ADAM22: variants seen among roughly 807,000 people sequenced by gnomAD.
The protein encoded by ADAM22 is disintegrin and metalloproteinase domain-containing protein 22.
Under a neutral mutation model 144.6 loss-of-function variants are expected in ADAM22, and 65 were observed. The ratio of observed to expected loss-of-function variants is 0.45; its 90% CI spans 0.37 to 0.55. The LOEUF is 0.55. Among genes scored for constraint, ADAM22 ranks in the 20% least tolerant of loss-of-function variants. The pLI is 0.00. For synonymous variants in ADAM22, 391 were observed against 412.6 expected (o/e 0.95, Z 0.63); for missense variants, 974 against 1,184.9 (o/e 0.82, Z 2.61).
intron 14 of ADAM22, among the ~76,000 whole-genome samples, chr7:88,138,096 G>T (rs755691246): frequency 6.6e-6 from 1 of 152,090 alleles, no homozygotes; most frequent in Admixed American, 6.6e-5. Context: ...TTGAGGCTGC[G>T]GTGAGCCATG....
intron 3 of ADAM22, among the ~76,000 whole-genome samples, chr7:87,999,667 T>G (rs1792068708): frequency 6.6e-6 from 1 of 152,242 alleles, no homozygotes. Context: ...CTTACGATGC[T>G]TATTCTGTTA....
At chr7:87,998,695 C>T (rs533486660) in intron 3 of ADAM22, among the ~76,000 whole-genome samples, 1 of 152,224 alleles carries the variant, frequency 6.6e-6, no homozygotes, top group East Asian at 1.9e-4. Context: ...TGCCGAGAGT[C>T]TCCCTATTTT....
chr7:88,053,595 A>G (rs371490196), intron 3 of ADAM22, among the ~76,000 whole-genome samples: 570 of 29,256 alleles, frequency 0.019, 3 homozygotes, highest in African/African-American at 0.055. Context: ...AAGGAAGGAA[A>G]GAAAGAAAGA....
chr7:87,992,282 T>C (rs1310482558), intron 3 of ADAM22, among the ~76,000 whole-genome samples: 1 of 152,194 alleles, frequency 6.6e-6, no homozygotes. Flanking sequence ...CAGAGAATTA[T>C]ATGAAGTTCA....
chr7:87,944,716 T>C (rs1374060723), intron 2 of ADAM22, among the ~76,000 whole-genome samples: 1 of 152,078 alleles, frequency 6.6e-6, no homozygotes, highest in East Asian at 1.9e-4. Flanking sequence ...AGTATCCTTC[T>C]GGCTCAACTA....
At chr7:87,955,482 C>T (rs975869909) in intron 2 of ADAM22, among the ~76,000 whole-genome samples, 25 of 152,144 alleles carry the variant, frequency 1.6e-4, no homozygotes, top group African/African-American at 5.8e-4. Flanking sequence ...GCTGTCTGAT[C>T]GTTCCTCTGG....
intron 2 of ADAM22, among the ~76,000 whole-genome samples, chr7:87,943,094 G>A (rs1842788586): frequency 6.7e-6 from 1 of 149,524 alleles, no homozygotes; most frequent in Non-Finnish European, 1.5e-5. Context: ...GAAAAAATAA[G>A]GATTAGTATT....
intron 3 of ADAM22, among the ~76,000 whole-genome samples, chr7:88,016,888 C>G (rs1456112900): frequency 6.6e-6 from 1 of 152,156 alleles, no homozygotes; most frequent in African/African-American, 2.4e-5. Context: ...GAAGCTGAGG[C>G]AGGAGTATTG....
chr7:88,035,935 C>T (rs920462592), intron 3 of ADAM22, among the ~76,000 whole-genome samples: 1 of 152,114 alleles, frequency 6.6e-6, no homozygotes, highest in Non-Finnish European at 1.5e-5. Context: ...AAAGCACAGG[C>T]AAAGTCAGGA....
rs546293806 is a variant in ADAM22, at chr7:87,973,852, A to G, written c.247-4484A>G. Among the ~76,000 whole-genome samples, 11 of 151,802 alleles carry G rather than the reference A, an allele frequency of 7.2e-5. No individual in the cohort carries two copies. In the East Asian group the frequency reaches 1.4e-3, roughly 19 times the overall value. On this transcript the variant is annotated intron_variant, in intron 2 of 31. Coordinates refer to ENST00000413139, the MANE Select transcript of ADAM22 (RefSeq NM_001324418.2). ...CTATCGTGAGGACAAAAAACCAAAC[A>G]CCGCATATTCTCACTCATAGGTGGG...
intron 30 of ADAM22, among the ~76,000 whole-genome samples, chr7:88,190,209 G>C (rs1849307251): frequency 2.0e-5 from 3 of 152,112 alleles, no homozygotes; most frequent in African/African-American, 7.2e-5. Context: ...AATTCTAATA[G>C]GGTATCCATT....
chr7:88,189,018 A>C (rs1279249916), intron 30 of ADAM22, among the ~76,000 whole-genome samples: 1 of 152,232 alleles, frequency 6.6e-6, no homozygotes, highest in Non-Finnish European at 1.5e-5. Flanking sequence ...TGCAATCTGC[A>C]GCAAACTGGT....
Position 88,196,536 on chromosome 7 carries a change from C to A in ADAM22, c.*45C>A. 6.2e-7 allele frequency: 1 copy of A among 1,602,664 alleles called. No homozygotes were observed. The highest frequency in any genetic ancestry group is 8.5e-7 in the Non-Finnish European group (1 of 1,169,996). On this transcript the variant is annotated 3_prime_UTR_variant, in exon 32 of 32. Coordinates refer to ENST00000413139, the MANE Select transcript of ADAM22 (RefSeq NM_001324418.2). ...ATACATCGAAAACTGTTTACTTCAA[C>A]TTTTATAGAAACCCAGGCTCATGGA...
intron 2 of ADAM22, among the ~76,000 whole-genome samples, chr7:87,976,178 G>T (rs1022242783): frequency 2.6e-5 from 4 of 152,176 alleles, no homozygotes; most frequent in Admixed American, 2.6e-4. Context: ...AGGAGGAGAT[G>T]AGGAGGCTAG....
intron 4 of ADAM22, among the ~76,000 whole-genome samples, chr7:88,077,552 T>A (rs906456856): frequency 6.6e-6 from 1 of 152,176 alleles, no homozygotes; most frequent in Non-Finnish European, 1.5e-5. Flanking sequence ...AGGCATCGCC[T>A]CACCTGGGAA....
intron 4 of ADAM22, among the ~76,000 whole-genome samples, chr7:88,107,198 C>CTTTTTTTT (rs561936408): frequency 2.1e-4 from 16 of 76,562 alleles, no homozygotes; most frequent in East Asian, 8.2e-4. Flanking sequence ...GATTGAATTT[C>CTTTTTTTT]TTTTTTTTTT....
chr7:87,956,164 A>C (rs886758982), intron 2 of ADAM22, among the ~76,000 whole-genome samples: 2 of 152,054 alleles, frequency 1.3e-5, no homozygotes, highest in Non-Finnish European at 2.9e-5. Flanking sequence ...GGCACTCCCT[A>C]GTGAGATGAA....
At chr7:87,945,339 G>A (rs1420884584) in intron 2 of ADAM22, among the ~76,000 whole-genome samples, 3 of 152,102 alleles carry the variant, frequency 2.0e-5, no homozygotes, top group Admixed American at 2.0e-4. Context: ...GCCATAGATT[G>A]TGAATTTTCA....
chr7:88,027,876 T>C (rs979947006), intron 3 of ADAM22, among the ~76,000 whole-genome samples: 3 of 151,582 alleles, frequency 2.0e-5, no homozygotes, highest in Non-Finnish European at 4.4e-5. Context: ...ACTGCAACCC[T>C]ACCTCCCAGG....
Sources: allele counts gnomAD v4.1 joint callset (sites outside exome capture counted in the v4.1 genomes callset), GRCh38; gene constraint gnomAD v4.1.1; transcripts MANE v1.5; gene names NCBI Gene and HGNC (gene_info 2026-07-23, HGNC 2026-07-21).